LAMA3: variants seen among roughly 807,000 people sequenced by gnomAD.
The protein encoded by LAMA3 is laminin subunit alpha-3.
LAMA3 carries 281 observed loss-of-function variants against 402.0 expected under a neutral mutation model. The observed-to-expected ratio is 0.70, with a 90% CI of 0.63 to 0.77. The LOEUF (loss-of-function observed/expected upper bound fraction) is 0.77. Ranked by LOEUF, LAMA3 falls within the 30% of genes least tolerant of loss-of-function variation. The probability of loss-of-function intolerance (pLI) is 0.00; values close to 1 mark genes in which losing one functional copy is unlikely to be tolerated. For synonymous variants in LAMA3, 1,431 were observed against 1,558.4 expected (o/e 0.92, Z 1.93); for missense variants, 3,840 against 4,215.5 (o/e 0.91, Z 2.47).
intron 52 of LAMA3, among the ~76,000 whole-genome samples, chr18:23,906,722 C>A (rs1454716335): frequency 6.6e-6 from 1 of 152,164 alleles, no homozygotes; most frequent in East Asian, 1.9e-4. Flanking sequence ...AACATACAAT[C>A]ATTTGCCTTG....
At chr18:23,913,408 C>G (rs2081503007) in intron 56 of LAMA3, among the ~76,000 whole-genome samples, 1 of 152,210 alleles carries the variant, frequency 6.6e-6, no homozygotes, top group Non-Finnish European at 1.5e-5. Context: ...TGCCCTGTCT[C>G]TTTATCAGTG....
intron 2 of LAMA3, among the ~76,000 whole-genome samples, chr18:23,743,312 A>G (rs936442563): frequency 1.3e-5 from 2 of 152,132 alleles, no homozygotes; most frequent in African/African-American, 2.4e-5. Context: ...AGGGGAGTTG[A>G]TTCTACTACA....
intron 31 of LAMA3, among the ~76,000 whole-genome samples, chr18:23,847,059 C>CAAG (rs2063832308): frequency 6.6e-6 from 1 of 152,200 alleles, no homozygotes; most frequent in Non-Finnish European, 1.5e-5. Context: ...GGCCAAGGAA[C>CAAG]AAGAACCCTG....
chr18:23,881,066 T>A (rs1316824571), intron 39 of LAMA3, among the ~76,000 whole-genome samples: 2 of 152,200 alleles, frequency 1.3e-5, no homozygotes, highest in African/African-American at 2.4e-5. Context: ...GGAGTTTTCC[T>A]GGATGTTTCT....
intron 40 of LAMA3, among the ~76,000 whole-genome samples, chr18:23,884,053 T>G (rs1221872025): frequency 1.7e-4 from 8 of 47,970 alleles, no homozygotes; most frequent in African/African-American, 1.5e-3. Context: ...CTTTGGTGTG[T>G]GTGTGTGTGT....
chr18:23,894,796 C>G, intron 43 of LAMA3, 111 bp from the exon 44 acceptor site: 1 of 1,367,342 alleles, frequency 7.3e-7, no homozygotes, highest in Non-Finnish European at 1.0e-6. Context: ...CTGTGGTTGT[C>G]ACCCGTGACG....
intron 3 of LAMA3, 101 bp from the exon 4 acceptor site, chr18:23,749,323 TTTTC>T (rs1289341414): frequency 1.9e-5 from 13 of 687,484 alleles, no homozygotes; most frequent in Non-Finnish European, 2.8e-5. Context: ...CCTTTCTGTT[TTTTC>T]TTTCTTTGTG....
intron 2 of LAMA3, among the ~76,000 whole-genome samples, chr18:23,731,063 A>G (rs894055783): frequency 3.3e-5 from 5 of 152,190 alleles, no homozygotes; most frequent in African/African-American, 4.8e-5. Flanking sequence ...TTTTCCTTTT[A>G]CAACCCCTAA....
intron 10 of LAMA3, 24 bp from the exon 11 acceptor site, chr18:23,777,532 AT>A (rs1423946907): frequency 1.1e-5 from 16 of 1,500,436 alleles, no homozygotes; most frequent in Non-Finnish European, 1.4e-5. Context: ...CATCCTCTGT[AT>A]TTTTTAATAA....
chr18:23,849,123 A>G (rs1488799935), intron 32 of LAMA3, among the ~76,000 whole-genome samples: 1 of 152,232 alleles, frequency 6.6e-6, no homozygotes, highest in Non-Finnish European at 1.5e-5. Flanking sequence ...ATAAGGTCAC[A>G]TTCTCAGGTA....
intron 59 of LAMA3, among the ~76,000 whole-genome samples, chr18:23,916,292 A>T (rs888320101): frequency 2.6e-5 from 4 of 152,192 alleles, no homozygotes; most frequent in Non-Finnish European, 5.9e-5. Flanking sequence ...CATCTTCCTA[A>T]GCAGACATTT....
chr18:23,883,812 C>G (rs776918938), intron 40 of LAMA3, among the ~76,000 whole-genome samples: 1 of 152,204 alleles, frequency 6.6e-6, no homozygotes, highest in Non-Finnish European at 1.5e-5. Flanking sequence ...GCATCAAGGT[C>G]AGCTTCCAGC....
rs140100472 is a variant in LAMA3 at position 23,725,720 on chromosome 18, C to T, written c.447+11648C>T. ...AGACCAGAGGGGCCAGGTTTTGTCTCCTCCACCTGGCAGCTTCTGCTGCTC... is the reference window on the plus strand; with the variant it reads ...AGACCAGAGGGGCCAGGTTTTGTCTTCTCCACCTGGCAGCTTCTGCTGCTC... On this transcript the variant is annotated intron_variant, in intron 2 of 74. Transcript: ENST00000313654. Among the ~76,000 whole-genome samples the T allele has an allele frequency of 2.5e-3, 388 of 152,330 alleles. 2 individuals carry two copies. The highest frequency in any genetic ancestry group is 9.1e-3 in the African/African-American group (377 of 41,576).
intron 42 of LAMA3, among the ~76,000 whole-genome samples, chr18:23,892,245 C>T (rs1452622553): frequency 6.6e-6 from 1 of 152,196 alleles, no homozygotes; most frequent in Non-Finnish European, 1.5e-5. Flanking sequence ...AATGCCTCTG[C>T]AACCCTCATT....
chr18:23,915,160 C>A (rs1725757604), intron 58 of LAMA3, 129 bp from the exon 59 acceptor site: 1 of 1,056,320 alleles, frequency 9.5e-7, no homozygotes, highest in Non-Finnish European at 1.4e-6. Flanking sequence ...AAAGCCAGGG[C>A]ATCTTGTTCC....
rs770239373 is a variant in LAMA3, at chr18:23,822,396, G to C, written c.2428+21G>C. ...CTGGGGTAAGGCACGTAGGTAAAAT[G>C]TCAAGCCTCTTTTCAATTAAGAAAT... On this transcript the variant is annotated intron_variant, in intron 20 of 74. Coordinates refer to ENST00000313654, the MANE Select transcript of LAMA3 (RefSeq NM_198129.4). 10 of 1,609,542 alleles carry C rather than the reference G, an allele frequency of 6.2e-6. No individual in the cohort carries two copies. In the African/African-American group the frequency reaches 1.2e-4, roughly 19 times the overall value.
chr18:23,933,049 G>T (rs998090037), intron 66 of LAMA3, among the ~76,000 whole-genome samples: 3 of 152,190 alleles, frequency 2.0e-5, no homozygotes, highest in Non-Finnish European at 4.4e-5. Context: ...CCATGATAAG[G>T]CTTGGACAAG....
rs55780622 is a variant in LAMA3 at position 23,745,173 on chromosome 18, ATG to A, written c.448-2746_448-2745del. On this transcript the variant is annotated intron_variant, in intron 2 of 74. Coordinates refer to ENST00000313654, the MANE Select transcript of LAMA3 (RefSeq NM_198129.4). ...GTAACTTCCTTTCAAAGAATCAAAA[ATG>A]TGTGTGTGTGTGTGTGTGTGTGTAG... 7.6e-3 allele frequency among the ~76,000 whole-genome samples: 1,128 copies of A among 148,874 alleles called. 15 individuals carry two copies. The highest frequency in any genetic ancestry group is 0.025 in the African/African-American group (1,027 of 40,604).
At chr18:23,850,629 T>A (rs774800850) in intron 32 of LAMA3, among the ~76,000 whole-genome samples, 3 of 152,272 alleles carry the variant, frequency 2.0e-5, no homozygotes, top group Non-Finnish European at 2.9e-5. Flanking sequence ...TGGCCAATTC[T>A]ATCAAGATCA....
Sources: gnomAD v4.1 joint callset for allele counts (sites outside exome capture counted in the v4.1 genomes callset) on GRCh38, gnomAD v4.1.1 for gene constraint, MANE v1.5 for transcripts, NCBI Gene and HGNC (gene_info 2026-07-23, HGNC 2026-07-21) for gene names.